Variants in KCTD8 observed in about 807,000 individuals in gnomAD.
KCTD8 encodes potassium channel tetramerization domain containing 8, also known as BTB/POZ domain-containing protein KCTD8.
Under a neutral mutation model 31.5 loss-of-function variants are expected in KCTD8, and 27 were observed. The observed-to-expected ratio is 0.86, with a 90% CI of 0.63 to 1.18. KCTD8 has a LOEUF of 1.18. KCTD8 is among the 50% of genes most tolerant of loss of function. The pLI is 0.00. For missense variants in KCTD8, 658 were observed against 647.7 expected, an observed-to-expected ratio of 1.02 and a Z score of -0.17; for synonymous variants, 290 against 280.0, an observed-to-expected ratio of 1.04 and a Z score of -0.36.
chr4:44,196,511 G>A (rs567931747), intron 1 of KCTD8, among the ~76,000 whole-genome samples: 1 of 152,120 alleles, frequency 6.6e-6, no homozygotes, highest in African/African-American at 2.4e-5. Context: ...GTGTGCACCC[G>A]CTCTCATGAA....
intron 1 of KCTD8, among the ~76,000 whole-genome samples, chr4:44,245,342 A>C (rs752902914): frequency 3.9e-5 from 6 of 152,116 alleles, no homozygotes; most frequent in Non-Finnish European, 8.8e-5. Flanking sequence ...CCATACTCAA[A>C]AGAGACTAAA....
chr4:44,175,251 C>T lies in KCTD8; in HGVS notation c.962-1G>A. 6.7e-7 allele frequency: 1 copy of T among 1,488,510 alleles called. No homozygotes were observed. The highest frequency in any genetic ancestry group is 2.3e-5 in the Admixed American group (1 of 43,388). 92.2% of individuals were successfully genotyped at this position (1,488,510 alleles called of 1,614,324 possible). A position where few individuals can be genotyped will look rare whatever the true frequency, so the allele number is the denominator to read the frequency against. ...GGTGATACTATTTTCTGAGGTGGTC[C>T]TAAAAAGGAGGAAAAAAAAAGAAGA... On this transcript the variant is annotated splice_acceptor_variant, in intron 1 of 1. Coordinates refer to ENST00000360029, the MANE Select transcript of KCTD8 (RefSeq NM_198353.3). LOFTEE classifies it high-confidence loss of function.
chr4:44,379,750 C>T lies in KCTD8; in HGVS notation c.961+67813G>A, dbSNP rs530551332. On this transcript the variant is annotated intron_variant, in intron 1 of 1. Coordinates refer to ENST00000360029, the MANE Select transcript of KCTD8 (RefSeq NM_198353.3). ...TAGGTAATGGAATTAAGTATTGTTGCCAAGCAAAATTACATTAATTTTTAC... is the reference window on the plus strand; with the variant it reads ...TAGGTAATGGAATTAAGTATTGTTGTCAAGCAAAATTACATTAATTTTTAC... Among the ~76,000 whole-genome samples the T allele has an allele frequency of 4.6e-5, 7 of 151,938 alleles. No homozygotes were observed. In the South Asian group the frequency reaches 1.5e-3, roughly 32 times the overall value.
chr4:44,374,295 C>A lies in KCTD8; in HGVS notation c.961+73268G>T, dbSNP rs532075662. ...CTGACCTAAAGACTGCTAGCTCCCA[C>A]CTTTTCTTCTGCAGTTTGCTTGCCA... On this transcript the variant is annotated intron_variant, in intron 1 of 1. Transcript: ENST00000360029. Among the ~76,000 whole-genome samples the A allele has an allele frequency of 3.9e-5, 6 of 152,274 alleles. No individual in the cohort carries two copies. The South Asian group carries it at 1.0e-3, about 26-fold the overall frequency.
At chr4:44,271,210 T>A (rs1020903462) in intron 1 of KCTD8, among the ~76,000 whole-genome samples, 2 of 152,132 alleles carry the variant, frequency 1.3e-5, no homozygotes, top group Non-Finnish European at 2.9e-5. Flanking sequence ...TCAGAAGAGA[T>A]AATGCACTTT....
chr4:44,378,986 T>C (rs1377390102), intron 1 of KCTD8, among the ~76,000 whole-genome samples: 1 of 152,144 alleles, frequency 6.6e-6, no homozygotes, highest in East Asian at 1.9e-4. Flanking sequence ...TGACCCCATC[T>C]TTCATCTTCA....
chr4:44,385,247 G>T (rs2109445752), intron 1 of KCTD8, among the ~76,000 whole-genome samples: 1 of 151,602 alleles, frequency 6.6e-6, no homozygotes, highest in Non-Finnish European at 1.5e-5. Context: ...GGAATCTCAT[G>T]GGACCTAAAT....
chr4:44,393,997 A>G (rs903915465), intron 1 of KCTD8, among the ~76,000 whole-genome samples: 1 of 152,060 alleles, frequency 6.6e-6, no homozygotes, highest in Admixed American at 6.6e-5. Flanking sequence ...TTAAGAATAT[A>G]GAGTTCAAGA....
At chr4:44,202,139 A>C (rs973844210) in intron 1 of KCTD8, among the ~76,000 whole-genome samples, 1 of 152,150 alleles carries the variant, frequency 6.6e-6, no homozygotes, top group Non-Finnish European at 1.5e-5. Flanking sequence ...TTAAAAAAAA[A>C]CAGATGCTAA....
chr4:44,246,060 T>C (rs994466411), intron 1 of KCTD8, among the ~76,000 whole-genome samples: 1 of 152,090 alleles, frequency 6.6e-6, no homozygotes, highest in African/African-American at 2.4e-5. Context: ...CCAAAATTAC[T>C]GAGCTAGAGT....
intron 1 of KCTD8, among the ~76,000 whole-genome samples, chr4:44,261,958 G>A (rs1332103296): frequency 6.6e-6 from 1 of 152,050 alleles, no homozygotes; most frequent in African/African-American, 2.4e-5. Context: ...AGAGGCCTCA[G>A]AATTGAGTCC....
intron 1 of KCTD8, among the ~76,000 whole-genome samples, chr4:44,375,731 C>T (rs1719900120): frequency 6.6e-6 from 1 of 152,130 alleles, no homozygotes; most frequent in Non-Finnish European, 1.5e-5. Context: ...GGAAAGCCTA[C>T]TGGGAAGGCA....
intron 1 of KCTD8, among the ~76,000 whole-genome samples, chr4:44,255,808 A>C (rs186886638): frequency 6.6e-6 from 1 of 152,106 alleles, no homozygotes; most frequent in Admixed American, 6.6e-5. Flanking sequence ...ACATAAGATA[A>C]CATCTCTATT....
chr4:44,313,507 C>T (rs1718014780), intron 1 of KCTD8, among the ~76,000 whole-genome samples: 1 of 152,094 alleles, frequency 6.6e-6, no homozygotes, highest in Non-Finnish European at 1.5e-5. Context: ...CAATAAACTC[C>T]TCAATGAAAA....
At chr4:44,192,475 TACACACACACACACACACACACACAC>T (rs34405384) in intron 1 of KCTD8, among the ~76,000 whole-genome samples, 3 of 137,090 alleles carry the variant, frequency 2.2e-5, no homozygotes, top group Non-Finnish European at 4.8e-5. Flanking sequence ...TAAGCAAAGA[TACACACACACACACACACACACACAC>T]ACACACACAC....
intron 1 of KCTD8, among the ~76,000 whole-genome samples, chr4:44,333,128 T>C (rs1056839105): frequency 4.6e-5 from 7 of 152,074 alleles, no homozygotes; most frequent in Admixed American, 2.6e-4. Context: ...TTCATTATAA[T>C]CATAGGGAGA....
intron 1 of KCTD8, among the ~76,000 whole-genome samples, chr4:44,410,525 G>A (rs918356274): frequency 6.6e-6 from 1 of 152,092 alleles, no homozygotes; most frequent in African/African-American, 2.4e-5. Context: ...ACGAGGTTAT[G>A]GGTATTAGTT....
At chr4:44,283,067 A>ATTATTG (rs1256945726) in intron 1 of KCTD8, among the ~76,000 whole-genome samples, 2 of 127,342 alleles carry the variant, frequency 1.6e-5, no homozygotes, top group Non-Finnish European at 3.5e-5. Context: ...TATTATTATT[A>ATTATTG]TTATTATTGA....
chr4:44,339,479 G>T (rs1437847403), intron 1 of KCTD8, among the ~76,000 whole-genome samples: 2 of 152,020 alleles, frequency 1.3e-5, no homozygotes, highest in East Asian at 1.9e-4. Context: ...AATGATAAAA[G>T]GGTCAATCCA....
Sources: allele counts gnomAD v4.1 joint callset (sites outside exome capture counted in the v4.1 genomes callset), GRCh38; gene constraint gnomAD v4.1.1; transcripts MANE v1.5; gene names NCBI Gene and HGNC (gene_info 2026-07-23, HGNC 2026-07-21).